Variants in CCDC40 observed in about 807,000 individuals in gnomAD.
CCDC40 encodes the protein coiled-coil domain 40 molecular ruler complex subunit.
Under a neutral mutation model 124.5 loss-of-function variants are expected in CCDC40, and 104 were observed. That is an observed-to-expected ratio of 0.84 (90% CI 0.71 to 0.98). The LOEUF (loss-of-function observed/expected upper bound fraction) is 0.98, where lower values mean the gene tolerates loss of function less well. Ranked by LOEUF, CCDC40 falls within the 50% of genes least tolerant of loss-of-function variation. CCDC40 has a pLI of 0.00. For synonymous variants in CCDC40, 580 were observed against 602.9 expected, an observed-to-expected ratio of 0.96 and a Z score of 0.56; for missense variants, 1,463 against 1,503.9, an observed-to-expected ratio of 0.97 and a Z score of 0.45.
Position 80,099,399 on chromosome 17 carries a change from G to A in CCDC40, c.3181-128G>A, listed in dbSNP as rs896573459. ...AGATCCAGGGGCGCAACACCTTCAC[G>A]CCGTCCCTTTTCAGGCGTAGGTCTC... On this transcript the variant is annotated intron_variant, in intron 19 of 19. Transcript: ENST00000397545. 10 of 1,099,578 alleles carry A rather than the reference G, an allele frequency of 9.1e-6. No homozygotes were observed. In the East Asian group the frequency reaches 1.4e-4, roughly 16 times the overall value. 68.1% of individuals were successfully genotyped at this position (1,099,578 alleles called of 1,614,324 possible). A position where few individuals can be genotyped will look rare whatever the true frequency, so the allele number is the denominator to read the frequency against.
intron 17 of CCDC40, among the ~76,000 whole-genome samples, chr17:80,091,082 C>T (rs916229866): frequency 1.1e-4 from 16 of 152,176 alleles, no homozygotes; most frequent in African/African-American, 3.4e-4. Flanking sequence ...CTCACCTTCT[C>T]GGATCTCACA....
intron 9 of CCDC40, among the ~76,000 whole-genome samples, chr17:80,064,670 T>G (rs2037990319): frequency 1.4e-5 from 2 of 146,540 alleles, no homozygotes; most frequent in African/African-American, 2.5e-5. Flanking sequence ...ACCCCCCTAG[T>G]TTTCAAGCCC....
intron 19 of CCDC40, chr17:80,097,801 G>A: frequency 4.2e-6 from 1 of 240,302 alleles, no homozygotes; most frequent in Non-Finnish European, 8.3e-6. Context: ...TCAGGAGGCT[G>A]AGGTGGGAGG....
chr17:80,087,609 A>G lies in CCDC40; in HGVS notation c.2452A>G (p.Lys818Glu), dbSNP rs908554239. The G allele has an allele frequency of 1.2e-6, 2 of 1,614,064 alleles. No individual in the cohort carries two copies. Among genetic ancestry groups the G allele is most frequent in the Non-Finnish European group, 1.7e-6 (2 of 1,179,936 alleles). Residue 818 changes from lysine (K) to glutamate (E), a missense_variant and splice_region_variant, in exon 15 of 20, where the codon AAG becomes GAG. Transcript: ENST00000397545. This position sits in a 1 kb window ranked among gnomAD's most constrained non-coding sequence, Gnocchi z 4.5. ...MEQKKLRVES[K>E]IEQEKKEQKE... Reference sequence around the variant, plus strand: ...TGAGTCTCTGTTTTCTGCCATAGGCAAGATTGAGCAGGAGAAGAAGGAGCA... The same window carrying G: ...TGAGTCTCTGTTTTCTGCCATAGGCGAGATTGAGCAGGAGAAGAAGGAGCA...
chr17:80,051,694 A>T (rs1013580977), intron 7 of CCDC40, among the ~76,000 whole-genome samples: 1 of 151,708 alleles, frequency 6.6e-6, no homozygotes, highest in Non-Finnish European at 1.5e-5. Flanking sequence ...AAATGAACAG[A>T]AAACAGTAAA....
intron 4 of CCDC40, among the ~76,000 whole-genome samples, chr17:80,047,870 G>A (rs760830806): frequency 3.3e-5 from 5 of 152,190 alleles, no homozygotes; most frequent in African/African-American, 9.7e-5. Context: ...TGTTGTGGAC[G>A]TGGGAGGGCA....
At chr17:80,098,009 A>G (rs1419002862) in intron 19 of CCDC40, 1 of 164,024 alleles carries the variant, frequency 6.1e-6, no homozygotes, top group Non-Finnish European at 1.3e-5. Context: ...TAAACCAGAG[A>G]AAGAAGCGTC....
chr17:80,096,044 A>G (rs533704974), intron 18 of CCDC40, among the ~76,000 whole-genome samples: 52 of 152,330 alleles, frequency 3.4e-4, no homozygotes, highest in African/African-American at 1.1e-3. Context: ...CTGCACTCAC[A>G]CTTCCCAGGT....
chr17:80,074,972 G>A (rs375599276), intron 10 of CCDC40, among the ~76,000 whole-genome samples: 2 of 152,170 alleles, frequency 1.3e-5, no homozygotes, highest in East Asian at 3.9e-4. Context: ...GCCCGGGCTG[G>A]AGTGCTATGG....
Position 80,080,283 on chromosome 17 carries a change from C to G in CCDC40, c.1563-1263C>G, listed in dbSNP as rs74819244. 5.2e-3 allele frequency among the ~76,000 whole-genome samples: 793 copies of G among 152,246 alleles called. 8 individuals carry two copies. Among genetic ancestry groups the G allele is most frequent in the African/African-American group, 0.018 (744 of 41,542 alleles). ...AATAGGAAAACATGCCTCACACACA[C>G]AAAATTCAAATCCTCATGCTGAGGC... On this transcript the variant is annotated intron_variant, in intron 10 of 19. Transcript: ENST00000397545.
At chr17:80,070,404 G>A (rs746296616) in intron 10 of CCDC40, among the ~76,000 whole-genome samples, 6 of 152,180 alleles carry the variant, frequency 3.9e-5, no homozygotes, top group Admixed American at 1.3e-4. Context: ...AGACCAGCCC[G>A]GGCAACATAG....
At chr17:80,088,291 C>G (rs2038633013) in intron 16 of CCDC40, 189 bp downstream of exon 16, 3 of 644,292 alleles carry the variant, frequency 4.7e-6, no homozygotes, top group Admixed American at 4.4e-5. Flanking sequence ...TTGCTCTATC[C>G]CACAGGCTGG....
intron 10 of CCDC40, among the ~76,000 whole-genome samples, chr17:80,076,131 T>G (rs1388116739): frequency 2.0e-5 from 3 of 152,236 alleles, no homozygotes; most frequent in African/African-American, 7.2e-5. Flanking sequence ...CAGCAGGGTT[T>G]GAGAGGACTG....
chr17:80,060,394 T>TA (rs944204090), intron 9 of CCDC40, among the ~76,000 whole-genome samples: 1 of 148,060 alleles, frequency 6.8e-6, no homozygotes, highest in Non-Finnish European at 1.5e-5. Flanking sequence ...AAATAATAAT[T>TA]AAAAAAAAAT....
intron 1 of CCDC40, among the ~76,000 whole-genome samples, chr17:80,037,688 A>AATATATATATATATATATATATATAT: frequency 2.2e-5 from 1 of 45,678 alleles, no homozygotes; most frequent in Non-Finnish European, 5.4e-5. Flanking sequence ...TTTTTTAAAA[A>AATATATATATATATATATATATATAT]AGATATACAT....
At chr17:80,048,848 C>T (rs2037500826) in intron 5 of CCDC40, 87 bp downstream of exon 5, 1 of 1,188,726 alleles carries the variant, frequency 8.4e-7, no homozygotes, top group Non-Finnish European at 1.2e-6. Context: ...GTCTCCCACT[C>T]CTGACCCTAA....
chr17:80,045,024 C>T (rs2037386258), intron 3 of CCDC40, among the ~76,000 whole-genome samples: 1 of 152,180 alleles, frequency 6.6e-6, no homozygotes, highest in African/African-American at 2.4e-5. Flanking sequence ...GCTGCGCACC[C>T]TGGAGATGGG....
Position 80,089,645 on chromosome 17 carries a change from C to G in CCDC40, c.2712-119C>G, listed in dbSNP as rs544703876. 7 of 1,224,038 alleles carry G rather than the reference C, an allele frequency of 5.7e-6. No homozygotes were observed. The African/African-American group carries it at 1.1e-4, about 18-fold the overall frequency. The allele number at this position is 1,224,038 out of a possible 1,614,324, so 75.8% of individuals were successfully genotyped here. ...GCTTTGAGAGCCTCACGCTTTCTGT[C>G]GCAGCTGCTTGGCTCTGCCATTGCA... On this transcript the variant is annotated intron_variant, in intron 16 of 19. Coordinates refer to ENST00000397545, the MANE Select transcript of CCDC40 (RefSeq NM_017950.4).
chr17:80,090,736 A>G, intron 17 of CCDC40: 3 of 1,397,964 alleles, frequency 2.1e-6, no homozygotes, highest in Admixed American at 3.1e-5. Context: ...GCAAGTGGTC[A>G]TCAAGCTAAA....
Sources: allele counts gnomAD v4.1 joint callset (sites outside exome capture counted in the v4.1 genomes callset), GRCh38; gene constraint gnomAD v4.1.1; non-coding constraint Gnocchi (gnomAD v3.1); transcripts MANE v1.5; gene names NCBI Gene and HGNC (gene_info 2026-07-23, HGNC 2026-07-21).